UROC1: variants seen among roughly 807,000 people sequenced by gnomAD.
The protein encoded by UROC1 is urocanate hydratase 1, also known as urocanate hydratase.
A neutral mutation model predicts 89.5 loss-of-function variants in UROC1; 79 were observed. The ratio of observed to expected loss-of-function variants is 0.88; its 90% CI spans 0.74 to 1.06. The LOEUF (loss-of-function observed/expected upper bound fraction) is 1.06, where lower values mean the gene tolerates loss of function less well. Ranked by LOEUF, UROC1 falls within the 50% of genes least tolerant of loss-of-function variation. UROC1 has a pLI of 0.00. For missense variants in UROC1, 885 were observed against 907.8 expected (o/e 0.97, Z 0.32); for synonymous variants, 361 against 354.8 (o/e 1.02, Z -0.20).
At chr3:126,488,388 G>A (rs1935564317) in intron 17 of UROC1, 109 bp from the exon 18 acceptor site, 2 of 1,241,830 alleles carry the variant, frequency 1.6e-6, no homozygotes, top group Non-Finnish European at 2.3e-6. Flanking sequence ...CAGAAGGATG[G>A]GGCGGCAACT....
At chr3:126,508,217 G>A in intron 4 of UROC1, 122 bp from the exon 5 acceptor site, 2 of 1,571,452 alleles carry the variant, frequency 1.3e-6, no homozygotes, top group Non-Finnish European at 1.7e-6. Flanking sequence ...CCACTCCAGT[G>A]GCCCTGGTGC....
At chr3:126,495,089 C>T (rs1935747272) in intron 15 of UROC1, among the ~76,000 whole-genome samples, 1 of 152,212 alleles carries the variant, frequency 6.6e-6, no homozygotes, top group Non-Finnish European at 1.5e-5. Flanking sequence ...AAACTCTTTC[C>T]TCTGCAGGGC....
chr3:126,489,128 A>G (rs1184512220), intron 17 of UROC1, 148 bp downstream of exon 17: 10 of 753,522 alleles, frequency 1.3e-5, no homozygotes, highest in Non-Finnish European at 2.3e-5. Context: ...CCCACATCCC[A>G]GACCCCCTCA....
chr3:126,491,804 T>C (rs751236858), intron 16 of UROC1, among the ~76,000 whole-genome samples: 2 of 152,172 alleles, frequency 1.3e-5, no homozygotes, highest in African/African-American at 2.4e-5. Flanking sequence ...AAAAGGGAAC[T>C]CCATAAAGAT....
At chr3:126,504,803 C>T (rs757727424) in intron 8 of UROC1, among the ~76,000 whole-genome samples, 3 of 152,154 alleles carry the variant, frequency 2.0e-5, no homozygotes, top group Non-Finnish European at 4.4e-5. Flanking sequence ...TCCGACTTCC[C>T]TTCCTCTCCT....
At position 126,482,321 on chromosome 3, in the gene UROC1, C is replaced by T; in HGVS notation, c.*24G>A. On this transcript the variant is annotated 3_prime_UTR_variant, in exon 20 of 20. Transcript: ENST00000290868. ...GAGGATCGCCAGGGAGGAAGGGAGG[C>T]AGGGGCCGCGACTCCTGGCTCCCTC... 1 of 1,609,726 alleles carries T rather than the reference C, an allele frequency of 6.2e-7. No individual in the cohort carries two copies. The highest frequency in any genetic ancestry group is 8.5e-7 in the Non-Finnish European group (1 of 1,177,974).
chr3:126,492,029 C>T (rs1241807770), intron 16 of UROC1, among the ~76,000 whole-genome samples: 1 of 152,078 alleles, frequency 6.6e-6, no homozygotes, highest in Non-Finnish European at 1.5e-5. Flanking sequence ...CCTTGGAGCC[C>T]CTGAGCCACC....
intron 18 of UROC1, among the ~76,000 whole-genome samples, chr3:126,485,259 T>C (rs577187689): frequency 6.6e-6 from 1 of 152,368 alleles, no homozygotes; most frequent in Admixed American, 6.5e-5. Context: ...TCATTTCCTC[T>C]TCACCCCTAG....
chr3:126,500,926 A>T (rs757215847), intron 10 of UROC1, 52 bp from the exon 11 acceptor site: 115 of 1,602,464 alleles, frequency 7.2e-5, no homozygotes, highest in Non-Finnish European at 9.5e-5. Context: ...CTGGGCCCAG[A>T]GTCTGGGGCC....
intron 18 of UROC1, among the ~76,000 whole-genome samples, chr3:126,487,572 C>T (rs931944295): frequency 1.3e-5 from 2 of 152,196 alleles, no homozygotes; most frequent in African/African-American, 4.8e-5. Flanking sequence ...GAGATGGCCA[C>T]TGGAGCCAGG....
intron 9 of UROC1, chr3:126,501,822 C>G: frequency 6.3e-7 from 1 of 1,599,412 alleles, no homozygotes; most frequent in Non-Finnish European, 8.5e-7. Context: ...TGGAGAAGCC[C>G]GAGGGAGCCA....
Position 126,500,674 on chromosome 3 carries a change from AC to A in UROC1, c.1145+20del, listed in dbSNP as rs1416826880. The stretch of plus-strand genomic sequence containing the variant: ...TCTGCCCAGGCCAAATGCTTCTGCC[AC>A]CCCCAACTCCAAGTAGCACCTTTCC... On this transcript the variant is annotated intron_variant, in intron 11 of 19. Transcript: ENST00000290868. 2 of 1,613,762 alleles carry A rather than the reference AC, an allele frequency of 1.2e-6. No homozygotes were observed. The highest frequency in any genetic ancestry group is 1.3e-5 in the African/African-American group (1 of 74,838).
chr3:126,488,665 C>T (rs972499490), intron 17 of UROC1, among the ~76,000 whole-genome samples: 1 of 152,232 alleles, frequency 6.6e-6, no homozygotes, highest in African/African-American at 2.4e-5. Flanking sequence ...TAATAGGCTT[C>T]CCTTGACCCC....
intron 16 of UROC1, 22 bp downstream of exon 16, chr3:126,492,396 C>T: frequency 6.2e-7 from 1 of 1,609,006 alleles, no homozygotes; most frequent in Non-Finnish European, 8.5e-7. Flanking sequence ...GGATGCTTCC[C>T]CCAGAGCACA....
Position 126,484,939 on chromosome 3 carries a change from G to C in UROC1, c.1791-1471C>G, listed in dbSNP as rs1363898013. On this transcript the variant is annotated intron_variant, in intron 18 of 19. Coordinates refer to ENST00000290868, the MANE Select transcript of UROC1 (RefSeq NM_144639.3). ...TAGAACTACAGATTTTGTTTTAGAA[G>C]CCTGCATCCCAGAGGGTCAGAGACC... 4.6e-5 allele frequency among the ~76,000 whole-genome samples: 7 copies of C among 152,350 alleles called. No homozygotes were observed. In the East Asian group the frequency reaches 1.3e-3, roughly 29 times the overall value.
chr3:126,502,397 T>C (rs1935950910), intron 9 of UROC1, among the ~76,000 whole-genome samples: 1 of 152,184 alleles, frequency 6.6e-6, no homozygotes, highest in East Asian at 1.9e-4. Context: ...TGTGTTTATG[T>C]GTTGTGTGTG....
At chr3:126,517,487 C>T (rs539922301) in intron 1 of UROC1, 107 bp downstream of exon 1, 292 of 1,555,452 alleles carry the variant, frequency 1.9e-4, no homozygotes, top group Non-Finnish European at 2.4e-4. Flanking sequence ...CCAGGGTGGG[C>T]GGCTGAGCAG....
intron 14 of UROC1, among the ~76,000 whole-genome samples, chr3:126,496,686 A>C (rs1935785270): frequency 6.6e-6 from 1 of 152,240 alleles, no homozygotes; most frequent in African/African-American, 2.4e-5. Flanking sequence ...CCAGCTCGTG[A>C]AAGCAGACTG....
At chr3:126,493,724 T>G (rs1091553) in intron 15 of UROC1, among the ~76,000 whole-genome samples, 92,645 of 152,030 alleles carry the variant, frequency 0.61, 28,774 homozygotes, top group South Asian at 0.74. Flanking sequence ...ATGGCAAAGA[T>G]GGTTAAGATG....
Sources: gnomAD v4.1 joint callset for allele counts (sites outside exome capture counted in the v4.1 genomes callset) on GRCh38, gnomAD v4.1.1 for gene constraint, MANE v1.5 for transcripts, NCBI Gene and HGNC (gene_info 2026-07-23, HGNC 2026-07-21) for gene names.